Variants in POR observed in about 807,000 individuals in gnomAD.
The protein encoded by POR is NADPH--cytochrome P450 reductase.
POR carries 56 observed loss-of-function variants against 84.0 expected under a neutral mutation model. The observed-to-expected ratio is 0.67, with a 90% CI of 0.54 to 0.83. The LOEUF (loss-of-function observed/expected upper bound fraction) is 0.83, where lower values mean the gene tolerates loss of function less well. Among genes scored for constraint, POR ranks in the 40% least tolerant of loss-of-function variants. The pLI, the probability that POR is intolerant of heterozygous loss-of-function variation, is 0.00. For missense variants in POR, 938 were observed against 944.3 expected (o/e 0.99, Z 0.09); for synonymous variants, 414 against 400.5 (o/e 1.03, Z -0.40).
Position 75,982,037 on chromosome 7 carries a change from C to T in POR, c.732-187C>T, listed in dbSNP as rs2286821. 0.61 allele frequency: 365,086 copies of T among 602,114 alleles called. 113,833 individuals carry two copies. Among genetic ancestry groups the T allele is most frequent in the Non-Finnish European group, 0.67 (223,895 of 332,560 alleles). 37.3% of individuals were successfully genotyped at this position (602,114 alleles called of 1,614,324 possible). On this transcript the variant is annotated intron_variant, in intron 7 of 15. Transcript: ENST00000461988. ...CGTCTGGCCCCCGGCAGCTCCACGC[C>T]GCCTCCCTCCTTGCTCCCTCGCCTG...
chr7:75,948,237 C>T (rs1787265395), intron 1 of POR, among the ~76,000 whole-genome samples: 1 of 152,208 alleles, frequency 6.6e-6, no homozygotes, highest in Admixed American at 6.5e-5. Flanking sequence ...GGGTCCTTCC[C>T]ACCGCACCTG....
rs782098457 is a variant in POR at position 75,972,410 on chromosome 7, C to T, written c.189-3C>T. On this transcript the variant is annotated splice_region_variant and splice_polypyrimidine_tract_variant and intron_variant, in intron 2 of 15. Transcript: ENST00000461988. ...ACGCTCATTGCACACTTTTGTCTTGCAGGACCTCCTCTGTCAGAGAGAGCA... is the reference window on the plus strand; with the variant it reads ...ACGCTCATTGCACACTTTTGTCTTGTAGGACCTCCTCTGTCAGAGAGAGCA... The T allele has an allele frequency of 6.2e-7, 1 of 1,609,850 alleles. No individual in the cohort carries two copies. The highest frequency in any genetic ancestry group is 1.3e-5 in the African/African-American group (1 of 75,018).
intron 1 of POR, chr7:75,921,387 G>C (rs1452554591): frequency 6.6e-6 from 1 of 151,712 alleles, no homozygotes; most frequent in African/African-American, 2.4e-5. Context: ...TCAGCTTCCC[G>C]AGTAGCTGGG....
rs375406404 is a variant in POR, at chr7:75,986,470, G to A, written c.2032G>A (p.Val678Met). 17 of 1,610,120 alleles carry A rather than the reference G, an allele frequency of 1.1e-5. No homozygotes were observed. Among genetic ancestry groups the A allele is most frequent in the African/African-American group, 2.7e-5 (2 of 75,054 alleles). ...GACCAAGGGCCGCTACTCCCTGGAC[G>A]TGTGGAGCTAGGGGCCTGCCTGCCC... Residue 678 changes from valine to methionine, a missense_variant, in exon 16 of 16, where the codon GTG becomes ATG. By Grantham distance (21) the Val-to-Met change is conservative (BLOSUM62 1). Coordinates refer to ENST00000461988, the MANE Select transcript of POR (RefSeq NM_000941.3).
Position 75,985,684 on chromosome 7 carries a change from C to G in POR, c.1504C>G (p.Pro502Ala). The G allele has an allele frequency of 6.3e-7, 1 of 1,594,424 alleles. No homozygotes were observed. The highest frequency in any genetic ancestry group is 1.3e-5 in the African/African-American group (1 of 74,768). Residue 502 changes from proline to alanine, a missense_variant, in exon 13 of 16, where the codon CCT becomes GCT. Physicochemically the swap from Pro to Ala is conservative, Grantham distance 27 (BLOSUM62 -1). Transcript: ENST00000461988. ...CACCAACTGGCTGCGGGCCAAGGAG[C>G]CTGCCGGGGAGAACGGCGGCCGTGC... is the stretch of plus-strand genomic sequence containing the variant.
At chr7:75,958,887 T>C (rs112900625) in intron 2 of POR, among the ~76,000 whole-genome samples, 1,753 of 152,260 alleles carry the variant, frequency 0.012, 38 homozygotes, top group South Asian at 0.057. Flanking sequence ...GTATTCCTTA[T>C]CTGAAGTGCT....
intron 2 of POR, among the ~76,000 whole-genome samples, chr7:75,961,842 C>T (rs1341620457): frequency 4.6e-5 from 7 of 152,064 alleles, no homozygotes; most frequent in Admixed American, 1.3e-4. Context: ...AGCAAGACCC[C>T]GTCTCTACAA....
At chr7:75,974,524 CT>C (rs1238804117) in intron 3 of POR, among the ~76,000 whole-genome samples, 8,036 of 107,860 alleles carry the variant, frequency 0.075, 110 homozygotes, top group South Asian at 0.13. Context: ...TTTTTCTTTT[CT>C]TTTTTTTTTT....
chr7:75,931,616 G>A (rs959176833), intron 1 of POR, among the ~76,000 whole-genome samples: 1 of 151,974 alleles, frequency 6.6e-6, no homozygotes, highest in Non-Finnish European at 1.5e-5. Flanking sequence ...TGATCCTCCC[G>A]CCTTGGTCTC....
At chr7:75,933,857 T>C (rs1482478408) in intron 1 of POR, among the ~76,000 whole-genome samples, 1 of 152,180 alleles carries the variant, frequency 6.6e-6, no homozygotes, top group Non-Finnish European at 1.5e-5. Context: ...TGTGTGTGTG[T>C]GTGTGTAGAT....
At chr7:75,963,597 C>T (rs1788045830) in intron 2 of POR, among the ~76,000 whole-genome samples, 1 of 152,214 alleles carries the variant, frequency 6.6e-6, no homozygotes, top group African/African-American at 2.4e-5. Context: ...GTGGATGGCA[C>T]AGTGGGACAT....
chr7:75,964,798 G>A (rs1187372190), intron 2 of POR, among the ~76,000 whole-genome samples: 6 of 152,292 alleles, frequency 3.9e-5, no homozygotes, highest in African/African-American at 1.4e-4. Flanking sequence ...GCTGAGGCGA[G>A]AGGATCACTT....
At chr7:75,985,000 G>A (rs370753599) in intron 11 of POR, 42 bp downstream of exon 11, 39 of 1,576,298 alleles carry the variant, frequency 2.5e-5, no homozygotes, top group East Asian at 4.5e-5. Flanking sequence ...CCGTCACCCC[G>A]CCGTTTTCCG....
rs978479622 is a variant in POR, at chr7:75,984,045, T to C, written c.1066+189T>C. Among the ~76,000 whole-genome samples, 3 of 152,210 alleles carry C rather than the reference T, an allele frequency of 2.0e-5. No individual in the cohort carries two copies. In the East Asian group the frequency reaches 5.8e-4, roughly 30 times the overall value. On this transcript the variant is annotated intron_variant, in intron 10 of 15. Transcript: ENST00000461988. Reference sequence around the variant, plus strand: ...GGGTGGCCCTAGGGGTCTAGCCCTCTCTGTCGGGGTTCCCCCTACCCCGTC... The same window carrying C: ...GGGTGGCCCTAGGGGTCTAGCCCTCCCTGTCGGGGTTCCCCCTACCCCGTC...
At chr7:75,949,536 ACT>A (rs1787322072) in intron 1 of POR, among the ~76,000 whole-genome samples, 1 of 148,988 alleles carries the variant, frequency 6.7e-6, no homozygotes, top group Non-Finnish European at 1.5e-5. Context: ...ATGGAGTCTC[ACT>A]CTGTTCTCCA....
At chr7:75,917,232 T>C (rs1554548166) in intron 1 of POR, among the ~76,000 whole-genome samples, 1 of 151,938 alleles carries the variant, frequency 6.6e-6, no homozygotes, top group East Asian at 1.9e-4. Context: ...CACACCCAGC[T>C]AATTTTTTAA....
chr7:75,938,605 A>G (rs577403307), intron 1 of POR, among the ~76,000 whole-genome samples: 1 of 152,112 alleles, frequency 6.6e-6, no homozygotes, highest in Non-Finnish European at 1.5e-5. Flanking sequence ...AAAAAAATTT[A>G]AAAAATCAGC....
chr7:75,936,246 G>A (rs1563404913), intron 1 of POR, among the ~76,000 whole-genome samples: 1 of 151,576 alleles, frequency 6.6e-6, no homozygotes, highest in Non-Finnish European at 1.5e-5. Context: ...TGGGACTACA[G>A]GTGCATGCTG....
chr7:75,959,457 T>A (rs1787837464), intron 2 of POR, among the ~76,000 whole-genome samples: 1 of 152,088 alleles, frequency 6.6e-6, no homozygotes, highest in Admixed American at 6.5e-5. Flanking sequence ...GAATTGGCAT[T>A]TATTTATTTT....
Sources: gnomAD v4.1 joint callset for allele counts (sites outside exome capture counted in the v4.1 genomes callset) on GRCh38, gnomAD v4.1.1 for gene constraint, MANE v1.5 for transcripts, NCBI Gene and HGNC (gene_info 2026-07-23, HGNC 2026-07-21) for gene names.